The following STPG2 variants were observed in gnomAD, a reference collection of about 807,000 sequenced individuals.
The protein encoded by STPG2 is sperm-tail PG-rich repeat-containing protein 2.
STPG2 carries 56 observed loss-of-function variants against 54.2 expected under a neutral mutation model. That is an observed-to-expected ratio of 1.03 (90% CI 0.83 to 1.29). The LOEUF is 1.29. Among genes scored for constraint, STPG2 ranks in the 50% most tolerant of loss-of-function variants. STPG2 has a pLI of 0.00. For missense variants in STPG2, 596 were observed against 544.9 expected, an observed-to-expected ratio of 1.09 and a Z score of -0.93; for synonymous variants, 200 against 181.8, an observed-to-expected ratio of 1.10 and a Z score of -0.81.
intron 9 of STPG2, among the ~76,000 whole-genome samples, chr4:97,809,855 G>A (rs191478327): frequency 2.4e-4 from 36 of 152,092 alleles, no homozygotes; most frequent in African/African-American, 8.2e-4. Context: ...GCTGATAAAC[G>A]GGTGTTGGTT....
intron 4 of STPG2, among the ~76,000 whole-genome samples, chr4:98,108,127 G>T (rs1230564899): frequency 1.3e-5 from 2 of 152,026 alleles, no homozygotes; most frequent in African/African-American, 2.4e-5. Context: ...TTCAGAACTG[G>T]CACATAGCAA....
intron 8 of STPG2, among the ~76,000 whole-genome samples, chr4:97,890,513 C>T (rs1404558021): frequency 2.6e-5 from 4 of 151,568 alleles, no homozygotes; most frequent in Non-Finnish European, 4.4e-5. Context: ...ATAACATTAG[C>T]TTAAAAGGCA....
chr4:98,013,701 G>A (rs1000097904), intron 5 of STPG2, among the ~76,000 whole-genome samples: 1 of 150,080 alleles, frequency 6.7e-6, no homozygotes, highest in African/African-American at 2.4e-5. Context: ...TCTTGGGAGG[G>A]TATATGTGTC....
At chr4:97,561,435 A>T (rs1390773402) in intron 10 of STPG2, among the ~76,000 whole-genome samples, 1 of 152,096 alleles carries the variant, frequency 6.6e-6, no homozygotes, top group African/African-American at 2.4e-5. Flanking sequence ...TTGCTGTGCA[A>T]GAGCTCTTTA....
chr4:97,682,311 T>C (rs1342862277), intron 10 of STPG2, among the ~76,000 whole-genome samples: 2 of 151,812 alleles, frequency 1.3e-5, no homozygotes, highest in African/African-American at 2.4e-5. Flanking sequence ...TACACCTAAG[T>C]TTCTGTTACT....
chr4:97,786,341 C>G (rs574240531), intron 9 of STPG2, among the ~76,000 whole-genome samples: 7 of 151,732 alleles, frequency 4.6e-5, no homozygotes, highest in Non-Finnish European at 1.0e-4. Flanking sequence ...TTTCAGTGAT[C>G]TTCTTTAGTT....
At chr4:98,142,136 A>G (rs1171588181) in intron 1 of STPG2, among the ~76,000 whole-genome samples, 1 of 152,196 alleles carries the variant, frequency 6.6e-6, no homozygotes, top group Non-Finnish European at 1.5e-5. Flanking sequence ...AAGCTGCAAG[A>G]ATAGTGATAC....
In STPG2 at chr4:97,840,931, A is replaced by C. The variant is rs1053710166; in HGVS notation, c.1046T>G (p.Val349Gly). 1.2e-6 allele frequency: 2 copies of C among 1,610,106 alleles called. No homozygotes were observed. The highest frequency in any genetic ancestry group is 2.7e-5 in the African/African-American group (2 of 74,756). ...ATCATAGCTGCCTGGCGCTGGAATA[A>C]CCTGAAAAAAAATTTAATAGATGAG... Reference protein sequence around the residue: ...AKRTMKVPDMVIPAPGSYDVH... With the variant: ...AKRTMKVPDMGIPAPGSYDVH... The change falls in exon 9 of 11, where the codon GTT (valine) becomes GGT (glycine). Residue 349 changes from valine (V) to glycine (G), a missense_variant and splice_region_variant. Physicochemically the swap from Val to Gly is moderately radical, Grantham distance 109 (BLOSUM62 -3). Transcript: ENST00000295268.
intron 8 of STPG2, among the ~76,000 whole-genome samples, chr4:97,897,885 G>T (rs1038748501): frequency 4.0e-5 from 6 of 151,528 alleles, no homozygotes; most frequent in African/African-American, 1.2e-4. Flanking sequence ...AGCCTCCTTT[G>T]CCATGCAGAA....
intron 8 of STPG2, among the ~76,000 whole-genome samples, chr4:97,878,984 T>C (rs990220329): frequency 6.6e-6 from 1 of 152,104 alleles, no homozygotes; most frequent in African/African-American, 2.4e-5. Context: ...CCGTAAATCA[T>C]CTCCCTCAAG....
At chr4:98,094,781 G>C (rs571923164) in intron 5 of STPG2, among the ~76,000 whole-genome samples, 2 of 152,290 alleles carry the variant, frequency 1.3e-5, no homozygotes, top group African/African-American at 4.8e-5. Flanking sequence ...TGTGGAAAGG[G>C]GAGTGTAGGT....
chr4:97,543,296 T>C (rs1731762532), intron 4 of STPG2, among the ~76,000 whole-genome samples: 2 of 151,950 alleles, frequency 1.3e-5, no homozygotes, highest in South Asian at 4.1e-4. Flanking sequence ...TTTTTCTGAC[T>C]TATTATTAAA....
intron 4 of STPG2, among the ~76,000 whole-genome samples, chr4:97,520,350 T>A (rs912992917): frequency 6.6e-6 from 1 of 152,104 alleles, no homozygotes; most frequent in Non-Finnish European, 1.5e-5. Flanking sequence ...ATGTCAATGA[T>A]GGCTATTAAT....
At chr4:98,069,765 G>C (rs1737944792) in intron 5 of STPG2, among the ~76,000 whole-genome samples, 1 of 151,940 alleles carries the variant, frequency 6.6e-6, no homozygotes. Flanking sequence ...ATTTATTCAT[G>C]TTCTCAGATA....
chr4:98,023,330 C>A (rs889315967), intron 5 of STPG2, among the ~76,000 whole-genome samples: 1 of 152,100 alleles, frequency 6.6e-6, no homozygotes, highest in Admixed American at 6.6e-5. Flanking sequence ...TGCAGAACAG[C>A]GATGACTGTA....
chr4:97,453,946 G>C (rs1366830838), intron 4 of STPG2, among the ~76,000 whole-genome samples: 2 of 151,990 alleles, frequency 1.3e-5, no homozygotes, highest in South Asian at 2.1e-4. Flanking sequence ...TAGAGCAGAG[G>C]AAAGAAATGA....
intron 10 of STPG2, among the ~76,000 whole-genome samples, chr4:97,607,407 G>T (rs1347962906): frequency 6.6e-6 from 1 of 151,990 alleles, no homozygotes; most frequent in Non-Finnish European, 1.5e-5. Flanking sequence ...TGAAGAACTT[G>T]TTCCATAACT....
chr4:97,602,842 C>T (rs1203519149), intron 10 of STPG2, among the ~76,000 whole-genome samples: 1 of 151,588 alleles, frequency 6.6e-6, no homozygotes, highest in Non-Finnish European at 1.5e-5. Context: ...TGCACATAAT[C>T]AATTGGCCAT....
intron 9 of STPG2, among the ~76,000 whole-genome samples, chr4:97,722,159 A>G (rs1170037489): frequency 6.6e-6 from 1 of 151,970 alleles, no homozygotes. Context: ...ATTTATATGC[A>G]AATAAGCTAT....
Sources: gnomAD v4.1 joint callset for allele counts (sites outside exome capture counted in the v4.1 genomes callset) on GRCh38, gnomAD v4.1.1 for gene constraint, MANE v1.5 for transcripts, NCBI Gene and HGNC (gene_info 2026-07-23, HGNC 2026-07-21) for gene names.